CWC22: variants seen among roughly 807,000 people sequenced by gnomAD.
CWC22 encodes pre-mRNA-splicing factor CWC22 homolog.
A neutral mutation model predicts 117.2 loss-of-function variants in CWC22; 53 were observed. The observed-to-expected ratio is 0.45, with a 90% CI of 0.36 to 0.57. The LOEUF is 0.57. Among genes scored for constraint, CWC22 ranks in the 20% least tolerant of loss-of-function variants. CWC22 has a pLI of 0.00. For synonymous variants in CWC22, 360 were observed against 355.6 expected (o/e 1.01, Z -0.14); for missense variants, 980 against 1,068.8 (o/e 0.92, Z 1.16).
chr2:179,946,217 T>A (rs1686294145), intron 19 of CWC22, among the ~76,000 whole-genome samples: 1 of 150,582 alleles, frequency 6.6e-6, no homozygotes, highest in Non-Finnish European at 1.5e-5. Flanking sequence ...GCAGAGGGGG[T>A]GGGGGACAGA....
intron 5 of CWC22, among the ~76,000 whole-genome samples, chr2:179,978,592 G>C (rs1687210402): frequency 6.6e-6 from 1 of 151,842 alleles, no homozygotes; most frequent in Non-Finnish European, 1.5e-5. Flanking sequence ...TTGTTCTTAT[G>C]CCTAGTACAT....
chr2:179,958,941 C>A, intron 14 of CWC22, 81 bp downstream of exon 14: 2 of 755,466 alleles, frequency 2.6e-6, no homozygotes, highest in Non-Finnish European at 4.5e-6. Context: ...TTGCTTCAAT[C>A]CACAAAACTT....
chr2:179,997,512 C>A (rs890054139), intron 1 of CWC22, among the ~76,000 whole-genome samples: 8 of 152,162 alleles, frequency 5.3e-5, no homozygotes, highest in African/African-American at 1.9e-4. Context: ...AATTGCATGA[C>A]TCCTTCCAAA....
intron 1 of CWC22, among the ~76,000 whole-genome samples, chr2:179,997,178 T>G (rs1002468988): frequency 1.2e-4 from 19 of 152,028 alleles, no homozygotes; most frequent in African/African-American, 4.6e-4. Context: ...AGAGTATATA[T>G]ATGTATAGTA....
At chr2:180,005,221 C>A (rs1043710182) in intron 1 of CWC22, among the ~76,000 whole-genome samples, 2 of 152,182 alleles carry the variant, frequency 1.3e-5, no homozygotes, top group Admixed American at 1.3e-4. Context: ...ATAACCAAGA[C>A]AGTCTCAGAG....
chr2:179,981,900 A>G lies in CWC22; in HGVS notation c.304T>C (p.Ser102Pro). The change falls in exon 5 of 20, where the codon TCA (serine) becomes CCA (proline). Residue 102 changes from serine (S) to proline (P), a missense_variant. By Grantham distance (74) the Ser-to-Pro change is moderately conservative. This residue lies in a region of CWC22 where 559 missense variants were observed against 602.3 expected (regional missense o/e 0.93). Transcript: ENST00000410053. ...TGAGCAGAGGAACTCTGAGTTACTG[A>G]TGTTTCTGGGTTTCTCCTCCCAGGA... is the stretch of plus-strand genomic sequence containing the variant. ...PSPGRRNPET[S>P]VTQSSSAQDE... 6.2e-7 allele frequency: 1 copy of G among 1,604,176 alleles called. No individual in the cohort carries two copies.
intron 4 of CWC22, among the ~76,000 whole-genome samples, chr2:179,982,393 T>C (rs965843330): frequency 6.6e-6 from 1 of 152,182 alleles, no homozygotes; most frequent in African/African-American, 2.4e-5. Context: ...GTAAAGACTT[T>C]AAGGTTTTTA....
chr2:179,953,067 C>T (rs538817417), intron 16 of CWC22, among the ~76,000 whole-genome samples: 5 of 152,042 alleles, frequency 3.3e-5, no homozygotes, highest in African/African-American at 1.2e-4. Flanking sequence ...ACTGAAATGC[C>T]TAAAGAAATA....
chr2:179,945,452 T>A lies in CWC22; in HGVS notation c.2404A>T (p.Asn802Tyr). ...ATATGCATTTCTTGGTCTCTGTCAT[T>A]CGCAACTCTACTGTAGTTATTTCGT... ...SERNNYSRVANDRDQEMHIDL... is the reference protein window; with the variant it reads ...SERNNYSRVAYDRDQEMHIDL... The change falls in exon 20 of 20, where the codon AAT becomes TAT. Residue 802 changes from asparagine to tyrosine, a missense_variant. Asn to Tyr is a moderately radical substitution (Grantham distance 143). This residue lies in a region of CWC22 where 306 missense variants were observed against 296.8 expected (regional missense o/e 1.03). Coordinates refer to ENST00000410053, the MANE Select transcript of CWC22 (RefSeq NM_020943.3). The A allele has an allele frequency of 6.2e-7, 1 of 1,613,046 alleles. No homozygotes were observed. Among genetic ancestry groups the A allele is most frequent in the East Asian group, 2.2e-5 (1 of 44,788 alleles).
chr2:179,973,173 T>C lies in CWC22; in HGVS notation c.804+20A>G. The C allele has an allele frequency of 6.4e-7, 1 of 1,561,832 alleles. No homozygotes were observed. Among genetic ancestry groups the C allele is most frequent in the South Asian group, 1.2e-5 (1 of 86,052 alleles). On this transcript the variant is annotated intron_variant, in intron 8 of 19. Coordinates refer to ENST00000410053, the MANE Select transcript of CWC22 (RefSeq NM_020943.3). ...TCTAATGCCACTGAATGGGACCAAGTATTGAAGATAATTACTTACCACATT... is the reference window on the plus strand; with the variant it reads ...TCTAATGCCACTGAATGGGACCAAGCATTGAAGATAATTACTTACCACATT...
intron 13 of CWC22, among the ~76,000 whole-genome samples, chr2:179,962,912 A>T (rs536213626): frequency 2.8e-4 from 43 of 152,170 alleles, no homozygotes; most frequent in Non-Finnish European, 5.6e-4. Context: ...AAATATGTAC[A>T]ATTATTATGT....
At chr2:179,986,110 C>A (rs1687412640) in intron 4 of CWC22, among the ~76,000 whole-genome samples, 1 of 152,072 alleles carries the variant, frequency 6.6e-6, no homozygotes, top group Non-Finnish European at 1.5e-5. Flanking sequence ...TACCATCTGC[C>A]TTCCATTCAG....
chr2:179,962,339 T>TA (rs1422323934), intron 13 of CWC22, among the ~76,000 whole-genome samples: 1 of 152,168 alleles, frequency 6.6e-6, no homozygotes, highest in Non-Finnish European at 1.5e-5. Flanking sequence ...GATGCCCTCA[T>TA]AGCCACCTGG....
intron 16 of CWC22, among the ~76,000 whole-genome samples, chr2:179,953,509 T>C (rs924413496): frequency 6.6e-6 from 1 of 152,092 alleles, no homozygotes; most frequent in African/African-American, 2.4e-5. Flanking sequence ...TCTTATACTG[T>C]AACCCTCTTG....
intron 14 of CWC22, among the ~76,000 whole-genome samples, chr2:179,956,795 T>A (rs1471211210): frequency 1.3e-5 from 2 of 151,772 alleles, no homozygotes; most frequent in Admixed American, 6.6e-5. Context: ...TTTTTTTTTT[T>A]ACCAACATTA....
chr2:179,946,235 C>T (rs773937282), intron 19 of CWC22, among the ~76,000 whole-genome samples: 4 of 151,800 alleles, frequency 2.6e-5, no homozygotes, highest in South Asian at 2.1e-4. Flanking sequence ...AGATTGCTTG[C>T]GCCCAGAAGT....
At chr2:179,972,453 CAAGT>C (rs1201762065) in intron 8 of CWC22, among the ~76,000 whole-genome samples, 3 of 152,114 alleles carry the variant, frequency 2.0e-5, no homozygotes, top group African/African-American at 7.2e-5. Flanking sequence ...TCTATTCTAT[CAAGT>C]GATTCTAAAA....
intron 19 of CWC22, among the ~76,000 whole-genome samples, chr2:179,945,919 G>A (rs1559282283): frequency 6.6e-6 from 1 of 152,104 alleles, no homozygotes; most frequent in Admixed American, 6.6e-5. Context: ...TTTTGCTCTT[G>A]TTGCCCAGGC....
At chr2:179,948,377 T>TA (rs1173946086) in intron 19 of CWC22, among the ~76,000 whole-genome samples, 3 of 117,096 alleles carry the variant, frequency 2.6e-5, no homozygotes, top group Non-Finnish European at 3.6e-5. Context: ...AACAGACAAA[T>TA]AAAAAATCAC....
Sources: gnomAD v4.1 joint callset for allele counts (sites outside exome capture counted in the v4.1 genomes callset) on GRCh38, gnomAD v4.1.1 for gene constraint, gnomAD v4.1.1 regional missense constraint, MANE v1.5 for transcripts, NCBI Gene and HGNC (gene_info 2026-07-23, HGNC 2026-07-21) for gene names.